PISD: variants seen among roughly 807,000 people sequenced by gnomAD.
PISD encodes the protein phosphatidylserine decarboxylase.
PISD carries 31 observed loss-of-function variants against 43.5 expected under a neutral mutation model. That is an observed-to-expected ratio of 0.71 (90% confidence interval 0.54 to 0.96). The LOEUF is 0.96. Ranked by LOEUF, PISD falls within the 40% of genes least tolerant of loss-of-function variation. The probability of loss-of-function intolerance (pLI) is 0.00; values close to 1 mark genes in which losing one functional copy is unlikely to be tolerated. For missense variants in PISD, 523 were observed against 548.4 expected, an observed-to-expected ratio of 0.95 and a Z score of 0.46; for synonymous variants, 259 against 228.7, an observed-to-expected ratio of 1.13 and a Z score of -1.20.
At chr22:31,628,213 GC>G (rs1304884596) in intron 3 of PISD, 3 of 985,066 alleles carry the variant, frequency 3.0e-6, no homozygotes, top group Non-Finnish European at 3.6e-6. Context: ...TCTCAGAGCT[GC>G]AGGATGGAGA....
chr22:31,620,475 T>A, intron 7 of PISD, 78 bp downstream of exon 7: 1 of 1,433,794 alleles, frequency 7.0e-7, no homozygotes, highest in Non-Finnish European at 9.7e-7. Context: ...TCCCAACGCA[T>A]CCGCCGCACA....
intron 3 of PISD, among the ~76,000 whole-genome samples, chr22:31,622,196 G>A (rs1329546904): frequency 6.6e-6 from 1 of 152,232 alleles, no homozygotes; most frequent in Non-Finnish European, 1.5e-5. Flanking sequence ...TAAAGTGGGG[G>A]TCGGAAACGG....
chr22:31,654,749 GCAGA>G (rs753818136), intron 1 of PISD, among the ~76,000 whole-genome samples: 5 of 152,140 alleles, frequency 3.3e-5, no homozygotes, highest in Non-Finnish European at 7.3e-5. Context: ...CCAGCTTGAT[GCAGA>G]CAAACATGCC....
intron 3 of PISD, chr22:31,625,767 T>TCGC: frequency 1.3e-6 from 2 of 1,589,270 alleles, no homozygotes; most frequent in South Asian, 2.3e-5. Flanking sequence ...TCTCACCATT[T>TCGC]CGCCGCGCGG....
chr22:31,637,184 TATATATATATATATATATATATAG>T (rs2073524027), intron 3 of PISD, among the ~76,000 whole-genome samples: 1 of 76,092 alleles, frequency 1.3e-5, no homozygotes, highest in Non-Finnish European at 2.5e-5. Context: ...TATATATATA[TATATATATATATATATATATATAG>T]AAAAATTAGC....
chr22:31,620,421 G>C (rs1603392066), intron 7 of PISD, 132 bp downstream of exon 7: 6 of 856,044 alleles, frequency 7.0e-6, no homozygotes, highest in Middle Eastern at 3.0e-4. Context: ...CAGCTGCTCA[G>C]CAGAGCCAGG....
At chr22:31,628,087 C>T (rs957341409) in intron 3 of PISD, 4 of 985,470 alleles carry the variant, frequency 4.1e-6, no homozygotes, top group Non-Finnish European at 3.6e-6. Context: ...CTAAAACAAG[C>T]GCCGAGACCA....
At position 31,623,710 on chromosome 22, in the gene PISD, G is replaced by A. The variant is rs57725422; in HGVS notation, c.322-1825C>T. On this transcript the variant is annotated intron_variant, in intron 3 of 7. Coordinates refer to ENST00000439502, the MANE Select transcript of PISD (RefSeq NM_001326411.2). ...CTGCTTACGGGCCTCCATCCCACCCGGCTGAGCGGTCTGAGGGCGCCGAAG... is the reference window on the plus strand; with the variant it reads ...CTGCTTACGGGCCTCCATCCCACCCAGCTGAGCGGTCTGAGGGCGCCGAAG... 3,428 of 1,614,050 alleles carry A rather than the reference G, an allele frequency of 2.1e-3. 79 individuals carry two copies. In the African/African-American group the frequency reaches 0.04, roughly 19 times the overall value.
rs943011383 is a variant in PISD, at chr22:31,648,363, A to G, written c.146-87T>C. The G allele has an allele frequency of 1.2e-5, 14 of 1,208,294 alleles. No homozygotes were observed. In the African/African-American group the frequency reaches 2.1e-4, roughly 18 times the overall value. 74.8% of individuals were successfully genotyped at this position (1,208,294 alleles called of 1,614,324 possible). The stretch of plus-strand genomic sequence containing the variant: ...ACACAGCACCAACAGGAGGGTCAGG[A>G]AAAGTCAGCGCACCTCAGAAGCCCT... On this transcript the variant is annotated intron_variant, in intron 2 of 7. Transcript: ENST00000439502.
intron 2 of PISD, among the ~76,000 whole-genome samples, chr22:31,648,526 C>G (rs77564448): frequency 0.026 from 3,936 of 152,114 alleles, 147 homozygotes; most frequent in African/African-American, 0.089. Context: ...AAAACTTAGC[C>G]GGGCACAGTG....
upstream of PISD, chr22:31,662,328 C>T: frequency 2.0e-6 from 2 of 998,148 alleles, no homozygotes; most frequent in South Asian, 1.3e-5. Flanking sequence ...GCGGAGCCGA[C>T]TAAGCTCCGC....
intron 3 of PISD, among the ~76,000 whole-genome samples, chr22:31,637,699 T>C (rs1447504773): frequency 6.6e-6 from 1 of 152,224 alleles, no homozygotes; most frequent in Non-Finnish European, 1.5e-5. Flanking sequence ...TCTCTGCTTT[T>C]GTGAAAGCAC....
intron 3 of PISD, among the ~76,000 whole-genome samples, chr22:31,625,223 T>A (rs776914877): frequency 6.6e-6 from 1 of 152,188 alleles, no homozygotes; most frequent in Non-Finnish European, 1.5e-5. Context: ...CAGAGCTGGC[T>A]GCATCCACGC....
intron 2 of PISD, among the ~76,000 whole-genome samples, chr22:31,649,664 CG>C (rs2073982582): frequency 6.6e-6 from 1 of 151,484 alleles, no homozygotes; most frequent in South Asian, 2.1e-4. Flanking sequence ...ACCCAGGATG[CG>C]GAGCTTGCAG....
intron 3 of PISD, among the ~76,000 whole-genome samples, chr22:31,645,799 G>T (rs1375685071): frequency 6.7e-6 from 1 of 148,612 alleles, no homozygotes; most frequent in Non-Finnish European, 1.5e-5. Context: ...GGAGGTTGCA[G>T]TGAGCCAAGA....
At chr22:31,654,986 G>T (rs574347681) in intron 1 of PISD, among the ~76,000 whole-genome samples, 2 of 147,692 alleles carry the variant, frequency 1.4e-5, no homozygotes, top group Admixed American at 7.0e-5. Context: ...TGAGGCAGGA[G>T]AATTGCTTGA....
intron 2 of PISD, among the ~76,000 whole-genome samples, chr22:31,648,868 C>T (rs543572648): frequency 6.6e-6 from 1 of 152,224 alleles, no homozygotes; most frequent in South Asian, 2.1e-4. Flanking sequence ...GATGAAAACA[C>T]TGAATCGCAA....
intron 3 of PISD, among the ~76,000 whole-genome samples, chr22:31,632,782 T>C (rs78316027): frequency 0.048 from 7,306 of 152,294 alleles, 221 homozygotes; most frequent in African/African-American, 0.076. Context: ...TAATCATTCA[T>C]AAATGCATGT....
At chr22:31,622,436 C>A (rs1014061069) in intron 3 of PISD, among the ~76,000 whole-genome samples, 2 of 152,196 alleles carry the variant, frequency 1.3e-5, no homozygotes, top group East Asian at 3.9e-4. Context: ...TGCAGGTCTG[C>A]GATGTCACTG....
Sources: allele counts gnomAD v4.1 joint callset (sites outside exome capture counted in the v4.1 genomes callset), GRCh38; gene constraint gnomAD v4.1.1; transcripts MANE v1.5; gene names NCBI Gene and HGNC (gene_info 2026-07-23, HGNC 2026-07-21).